Variants in PPM1D observed in about 807,000 individuals in gnomAD.
PPM1D encodes protein phosphatase, Mg2+/Mn2+ dependent 1D, also known as protein phosphatase 1D.
A neutral mutation model predicts 58.3 loss-of-function variants in PPM1D; 52 were observed. The observed-to-expected ratio is 0.89, with a 90% CI of 0.71 to 1.12. The LOEUF is 1.12. Ranked by LOEUF, PPM1D falls within the 50% of genes most tolerant of loss-of-function variation. The probability of loss-of-function intolerance (pLI) is 0.00; values close to 1 mark genes in which losing one functional copy is unlikely to be tolerated. For synonymous variants in PPM1D, 278 were observed against 285.1 expected (o/e 0.98, Z 0.25); for missense variants, 564 against 777.2 (o/e 0.73, Z 3.26).
rs2031601703 is a variant in PPM1D, at chr17:60,665,491, A to C, written c.*1939A>C. 6.6e-6 allele frequency: 1 copy of C among 151,414 alleles called. No individual in the cohort carries two copies. The highest frequency in any genetic ancestry group is 2.4e-5 in the African/African-American group (1 of 41,152). The allele number at this position is 151,414 out of a possible 1,614,324, so 9.4% of individuals were successfully genotyped here. On this transcript the variant is annotated 3_prime_UTR_variant, in exon 6 of 6. Transcript: ENST00000305921. ...CCAAAGTGCTGGGATTACAGGTGTGAGCCACCGTGCCCAGCCAACTATGCC... is the reference window on the plus strand; with the variant it reads ...CCAAAGTGCTGGGATTACAGGTGTGCGCCACCGTGCCCAGCCAACTATGCC...
At chr17:60,624,304 GA>G in intron 2 of PPM1D, among the ~76,000 whole-genome samples, 1 of 152,098 alleles carries the variant, frequency 6.6e-6, no homozygotes, top group East Asian at 1.9e-4. Context: ...TGAATAACAT[GA>G]AAAAATTTAA....
At chr17:60,658,562 C>T (rs1215609871) in intron 5 of PPM1D, among the ~76,000 whole-genome samples, 4 of 151,148 alleles carry the variant, frequency 2.6e-5, no homozygotes, top group African/African-American at 4.9e-5. Flanking sequence ...GCAGGAGAAT[C>T]GCTTGAACCC....
intron 4 of PPM1D, among the ~76,000 whole-genome samples, chr17:60,650,231 G>A (rs1051385463): frequency 5.3e-5 from 8 of 152,138 alleles, no homozygotes; most frequent in African/African-American, 1.9e-4. Flanking sequence ...ATCTAAGGCA[G>A]CAGTGGTTTT....
intron 1 of PPM1D, among the ~76,000 whole-genome samples, chr17:60,619,682 C>G (rs905815609): frequency 2.0e-5 from 3 of 150,746 alleles, no homozygotes; most frequent in Non-Finnish European, 4.4e-5. Flanking sequence ...ATCACTGTAG[C>G]CCCAGACTCC....
chr17:60,608,548 C>A (rs946141474), intron 1 of PPM1D, among the ~76,000 whole-genome samples: 1 of 151,818 alleles, frequency 6.6e-6, no homozygotes, highest in South Asian at 2.1e-4. Context: ...CTGAGATCAA[C>A]GACACTGCAC....
At chr17:60,656,908 G>A in intron 5 of PPM1D, 67 bp downstream of exon 5, 2 of 1,607,910 alleles carry the variant, frequency 1.2e-6, no homozygotes. Context: ...GCGTCACCTG[G>A]AAACAATTTT....
intron 3 of PPM1D, among the ~76,000 whole-genome samples, chr17:60,640,831 TATTTAGAA>T (rs57324621): frequency 0.041 from 6,222 of 152,092 alleles, 335 homozygotes; most frequent in African/African-American, 0.13. Context: ...AAATTTCTTT[TATTTAGAA>T]ATTTAGAAAT....
intron 1 of PPM1D, among the ~76,000 whole-genome samples, chr17:60,601,234 G>C (rs1251351094): frequency 6.6e-6 from 1 of 152,186 alleles, no homozygotes; most frequent in Non-Finnish European, 1.5e-5. Flanking sequence ...AATCGATGTT[G>C]CACCTGGGCC....
chr17:60,616,126 C>T (rs1474229816), intron 1 of PPM1D, among the ~76,000 whole-genome samples: 1 of 152,020 alleles, frequency 6.6e-6, no homozygotes, highest in East Asian at 1.9e-4. Flanking sequence ...GAGCCTCAGC[C>T]TCCTGTAACT....
At chr17:60,615,049 T>A (rs1276305003) in intron 1 of PPM1D, among the ~76,000 whole-genome samples, 1 of 152,216 alleles carries the variant, frequency 6.6e-6, no homozygotes, top group Non-Finnish European at 1.5e-5. Flanking sequence ...ATAGAGATGT[T>A]ATAACAATTT....
chr17:60,646,935 A>G (rs916631895), intron 3 of PPM1D, among the ~76,000 whole-genome samples: 28 of 152,214 alleles, frequency 1.8e-4, no homozygotes, highest in Non-Finnish European at 3.8e-4. Context: ...ATTTTCTTGC[A>G]AGTGACTGGT....
At chr17:60,641,297 G>A (rs570881439) in intron 3 of PPM1D, among the ~76,000 whole-genome samples, 11 of 152,116 alleles carry the variant, frequency 7.2e-5, no homozygotes, top group Non-Finnish European at 1.0e-4. Context: ...TTCTCACAGG[G>A]TATGAGATGG....
rs2030748720 is a variant in PPM1D, at chr17:60,623,643, A to G, written c.595A>G (p.Ile199Val). ...AGGTGACTCAGGGGTGGTTCTTGGA[A>G]TTCAGGATGACCCGAAGGATGACTT... ...HVGDSGVVLG[I>V]QDDPKDDFVR... Residue 199 changes from isoleucine to valine, a missense_variant, in exon 2 of 6, where the codon ATT becomes GTT. Physicochemically the swap from Ile to Val is conservative, Grantham distance 29. This residue lies in a region of PPM1D where 95 missense variants were observed against 232.6 expected (regional missense o/e 0.41). Transcript: ENST00000305921. 1 of 1,614,086 alleles carries G rather than the reference A, an allele frequency of 6.2e-7. No individual in the cohort carries two copies. The highest frequency in any genetic ancestry group is 1.3e-5 in the African/African-American group (1 of 74,924).
chr17:60,613,941 G>A (rs1158585041), intron 1 of PPM1D, among the ~76,000 whole-genome samples: 6 of 129,886 alleles, frequency 4.6e-5, no homozygotes, highest in Non-Finnish European at 3.2e-5. Context: ...TCCCCGATGA[G>A]CACCACCCCC....
At chr17:60,655,005 C>A (rs1202933816) in intron 4 of PPM1D, among the ~76,000 whole-genome samples, 2 of 152,088 alleles carry the variant, frequency 1.3e-5, no homozygotes, top group African/African-American at 4.8e-5. Context: ...AAGTTTTATT[C>A]CAAGCCACAT....
chr17:60,651,505 C>T (rs1365878594), intron 4 of PPM1D, among the ~76,000 whole-genome samples: 1 of 151,166 alleles, frequency 6.6e-6, no homozygotes, highest in East Asian at 1.9e-4. Flanking sequence ...TCAAGCGATT[C>T]CCCTGCCTCA....
chr17:60,600,352 T>G lies in PPM1D; in HGVS notation c.-63T>G. ...CAATAGTTGGCCGGCGAGCGCCTAG[T>G]GTGTCTCCCGCCGCCGGATTCGGCG... On this transcript the variant is annotated 5_prime_UTR_variant, in exon 1 of 6. Coordinates refer to ENST00000305921, the MANE Select transcript of PPM1D (RefSeq NM_003620.4). 2 of 1,531,070 alleles carry G rather than the reference T, an allele frequency of 1.3e-6. No individual in the cohort carries two copies. Among genetic ancestry groups the G allele is most frequent in the Non-Finnish European group, 8.8e-7 (1 of 1,140,204 alleles). The allele number at this position is 1,531,070 out of a possible 1,614,324, so 94.8% of individuals were successfully genotyped here. A position where few individuals can be genotyped will look rare whatever the true frequency, so the allele number is the denominator to read the frequency against.
chr17:60,643,108 A>T (rs1567973785), intron 3 of PPM1D, among the ~76,000 whole-genome samples: 3 of 149,930 alleles, frequency 2.0e-5, no homozygotes, highest in Admixed American at 1.3e-4. Flanking sequence ...TTATGTCTCT[A>T]ATCCCAGCAG....
At chr17:60,628,996 A>G (rs2030868020) in intron 2 of PPM1D, among the ~76,000 whole-genome samples, 1 of 152,234 alleles carries the variant, frequency 6.6e-6, no homozygotes, top group Non-Finnish European at 1.5e-5. Flanking sequence ...AGCCACTTGA[A>G]TAATTATACA....
Sources: gnomAD v4.1 joint callset for allele counts (sites outside exome capture counted in the v4.1 genomes callset) on GRCh38, gnomAD v4.1.1 for gene constraint, gnomAD v4.1.1 regional missense constraint, MANE v1.5 for transcripts, NCBI Gene and HGNC (gene_info 2026-07-23, HGNC 2026-07-21) for gene names.